ELMO1: variants seen among roughly 807,000 people sequenced by gnomAD.
The protein encoded by ELMO1 is engulfment and cell motility protein 1.
Under a neutral mutation model 98.9 loss-of-function variants are expected in ELMO1, and 26 were observed. That is an observed-to-expected ratio of 0.26 (90% CI 0.19 to 0.36). The LOEUF (loss-of-function observed/expected upper bound fraction) is 0.36, where lower values mean the gene tolerates loss of function less well. Ranked by LOEUF, ELMO1 falls within the 10% of genes least tolerant of loss-of-function variation. The pLI is 1.00. For missense variants in ELMO1, 627 were observed against 935.2 expected (o/e 0.67, Z 4.30); for synonymous variants, 346 against 346.0 (o/e 1.00, Z 0.00).
At chr7:37,326,539 A>T (rs1485809489) in intron 2 of ELMO1, among the ~76,000 whole-genome samples, 1 of 145,890 alleles carries the variant, frequency 6.9e-6, no homozygotes, top group Non-Finnish European at 1.5e-5. Context: ...TGGGCAACAG[A>T]GCAAGACTCC....
intron 15 of ELMO1, among the ~76,000 whole-genome samples, chr7:37,087,332 T>C (rs1386223900): frequency 1.3e-5 from 2 of 152,202 alleles, no homozygotes; most frequent in African/African-American, 4.8e-5. Context: ...TAATGGTGAA[T>C]AATAATCAGC....
intron 1 of ELMO1, among the ~76,000 whole-genome samples, chr7:37,360,386 C>T (rs942570814): frequency 4.1e-5 from 6 of 147,672 alleles, no homozygotes; most frequent in Admixed American, 6.8e-5. Context: ...GGAAGTAACA[C>T]GGCTTAAAAT....
At chr7:37,115,138 TG>T (rs1353984576) in intron 14 of ELMO1, among the ~76,000 whole-genome samples, 1 of 152,192 alleles carries the variant, frequency 6.6e-6, no homozygotes, top group Non-Finnish European at 1.5e-5. Context: ...GTATCAGGCC[TG>T]GATGGTTTCA....
chr7:36,885,867 G>A (rs1026740695), intron 18 of ELMO1, among the ~76,000 whole-genome samples: 19 of 152,294 alleles, frequency 1.2e-4, no homozygotes, highest in Admixed American at 3.9e-4. Context: ...AACAGCAGTA[G>A]CTCCCTTGTT....
intron 13 of ELMO1, among the ~76,000 whole-genome samples, chr7:37,160,597 G>A (rs570512295): frequency 1.3e-5 from 2 of 152,312 alleles, no homozygotes; most frequent in African/African-American, 4.8e-5. Context: ...CTGCTTCTCT[G>A]AGTGGCCCTT....
chr7:36,887,474 TA>T (rs1805128025), intron 18 of ELMO1, 85 bp downstream of exon 18: 2 of 1,323,282 alleles, frequency 1.5e-6, no homozygotes, highest in African/African-American at 2.9e-5. Flanking sequence ...GGCCTACCCG[TA>T]AACCAACACC....
intron 13 of ELMO1, among the ~76,000 whole-genome samples, chr7:37,176,529 T>C (rs1459714696): frequency 6.6e-6 from 1 of 152,200 alleles, no homozygotes; most frequent in South Asian, 2.1e-4. Flanking sequence ...GAATGTCCAG[T>C]ACTTAAAAAT....
chr7:37,085,430 A>G (rs1783711761), intron 15 of ELMO1, among the ~76,000 whole-genome samples: 1 of 152,140 alleles, frequency 6.6e-6, no homozygotes, highest in Non-Finnish European at 1.5e-5. Flanking sequence ...GTGCAGTTTG[A>G]CATCCTGATT....
Position 37,022,248 on chromosome 7 carries a change from T to C in ELMO1, c.1301-8813A>G, listed in dbSNP as rs145364475. On this transcript the variant is annotated intron_variant, in intron 15 of 21. Coordinates refer to ENST00000310758, the MANE Select transcript of ELMO1 (RefSeq NM_014800.11). ...TAATCATAAGAAAACTGTTTGATTC[T>C]ATTATATTAAACTCAAGAACTTGTT... 7.2e-3 allele frequency among the ~76,000 whole-genome samples: 1,100 copies of C among 152,344 alleles called. 7 individuals are homozygous for C. The highest frequency in any genetic ancestry group is 0.014 in the Middle Eastern group (4 of 294).
intron 14 of ELMO1, among the ~76,000 whole-genome samples, chr7:37,111,254 G>A (rs1785234876): frequency 6.6e-6 from 1 of 152,178 alleles, no homozygotes; most frequent in Admixed American, 6.5e-5. Flanking sequence ...CTCACCCATT[G>A]AAAAGATCAG....
At chr7:36,987,625 T>C (rs780033678) in intron 16 of ELMO1, among the ~76,000 whole-genome samples, 3 of 152,160 alleles carry the variant, frequency 2.0e-5, no homozygotes, top group Non-Finnish European at 4.4e-5. Context: ...TCTTTGTGTG[T>C]TTCTGATTCT....
At chr7:36,908,831 G>A (rs1784146600) in intron 16 of ELMO1, among the ~76,000 whole-genome samples, 1 of 152,130 alleles carries the variant, frequency 6.6e-6, no homozygotes, top group Non-Finnish European at 1.5e-5. Flanking sequence ...TGCATATAAA[G>A]CACCTCCTAT....
chr7:36,954,243 G>C (rs1788252831), intron 16 of ELMO1, among the ~76,000 whole-genome samples: 1 of 152,158 alleles, frequency 6.6e-6, no homozygotes, highest in East Asian at 1.9e-4. Context: ...TCACAGGTGA[G>C]GAATTGGAGG....
intron 18 of ELMO1, among the ~76,000 whole-genome samples, chr7:36,885,573 C>T (rs1419017104): frequency 1.3e-5 from 2 of 152,028 alleles, no homozygotes; most frequent in African/African-American, 4.8e-5. Context: ...TGCCCAATGT[C>T]AAGTAAGTAA....
At chr7:37,333,427 G>A (rs1048415170) in intron 2 of ELMO1, among the ~76,000 whole-genome samples, 4 of 152,170 alleles carry the variant, frequency 2.6e-5, no homozygotes, top group African/African-American at 7.2e-5. Context: ...GTTGTGGAAG[G>A]AAGTAGAACA....
chr7:37,070,680 T>A lies in ELMO1; in HGVS notation c.1300+25939A>T, dbSNP rs570046388. ...GCCATTCCTGGCTTCTAGTGAAAGA[T>A]GACATGATGGATTTCAGAATGATGG... On this transcript the variant is annotated intron_variant, in intron 15 of 21. Transcript: ENST00000310758. 1.8e-4 allele frequency among the ~76,000 whole-genome samples: 28 copies of A among 152,324 alleles called. No individual in the cohort carries two copies. In the East Asian group the frequency reaches 5.2e-3, roughly 28 times the overall value.
chr7:37,184,230 CCTTT>C (rs1338420479), intron 13 of ELMO1, among the ~76,000 whole-genome samples: 1 of 152,196 alleles, frequency 6.6e-6, no homozygotes, highest in Non-Finnish European at 1.5e-5. Flanking sequence ...AGTGTTGCTT[CCTTT>C]GTTTTAGCAG....
chr7:37,200,605 GAC>G (rs775553587), intron 13 of ELMO1, among the ~76,000 whole-genome samples: 12 of 152,274 alleles, frequency 7.9e-5, no homozygotes, highest in Non-Finnish European at 1.8e-4. Flanking sequence ...CAAACTCCCT[GAC>G]AGTTTTTGCT....
chr7:37,112,270 A>G (rs17170884), intron 14 of ELMO1, among the ~76,000 whole-genome samples: 14,952 of 152,148 alleles, frequency 0.098, 926 homozygotes, highest in African/African-American at 0.17. Context: ...ACGATTATAT[A>G]ATTCCAAACT....
Sources: gnomAD v4.1 joint callset for allele counts (sites outside exome capture counted in the v4.1 genomes callset) on GRCh38, gnomAD v4.1.1 for gene constraint, MANE v1.5 for transcripts, NCBI Gene and HGNC (gene_info 2026-07-23, HGNC 2026-07-21) for gene names.